The following CAMP variants were observed in gnomAD, a reference collection of about 807,000 sequenced individuals.
CAMP encodes cathelicidin antimicrobial peptide.
A neutral mutation model predicts 12.7 loss-of-function variants in CAMP; 10 were observed. The ratio of observed to expected loss-of-function variants is 0.79; its 90% CI spans 0.49 to 1.34. The LOEUF (loss-of-function observed/expected upper bound fraction) is 1.34. Among genes scored for constraint, CAMP ranks in the 40% most tolerant of loss-of-function variants. The probability of loss-of-function intolerance (pLI) is 0.00; values close to 1 mark genes in which losing one functional copy is unlikely to be tolerated. For missense variants in CAMP, 205 were observed against 213.0 expected (o/e 0.96, Z 0.23); for synonymous variants, 87 against 85.2 (o/e 1.02, Z -0.12).
At position 48,224,595 on chromosome 3, in the gene CAMP, C is replaced by CT. The variant is rs201189919; in HGVS notation, c.310-5dup. On this transcript the variant is annotated splice_polypyrimidine_tract_variant and splice_region_variant and intron_variant, in intron 2 of 3. Coordinates refer to ENST00000652295, the MANE Select transcript of CAMP (RefSeq NM_004345.5). Reference sequence around the variant, plus strand: ...TTTCAAGTTTGACCTTGAGCTTCTCCTTTCCAGCTGGTGAAGCGGTGTATG... The same window carrying CT: ...TTTCAAGTTTGACCTTGAGCTTCTCCTTTTCCAGCTGGTGAAGCGGTGTATG... 13,632 of 1,612,684 alleles carry CT rather than the reference C, an allele frequency of 8.5e-3. 859 individuals are homozygous for CT. In the African/African-American group the frequency reaches 0.15, roughly 17 times the overall value.
Position 48,224,683 on chromosome 3 carries a change from G to C in CAMP, c.381+9G>C, listed in dbSNP as rs755104500. On this transcript the variant is annotated intron_variant, in intron 3 of 3. Transcript: ENST00000652295. ...ACATCAGTTGTGATAAGGTGAGTGGGCTGTTCTGGGATGCAGGGGCTGATG... is the reference window on the plus strand; with the variant it reads ...ACATCAGTTGTGATAAGGTGAGTGGCCTGTTCTGGGATGCAGGGGCTGATG... The C allele has an allele frequency of 6.2e-7, 1 of 1,606,766 alleles. No homozygotes were observed. The highest frequency in any genetic ancestry group is 1.3e-5 in the African/African-American group (1 of 74,738).
Position 48,225,321 on chromosome 3 carries a change from A to G in CAMP, c.410A>G (p.Asp137Gly). ...AACAAGAGATTTGCCCTGCTGGGTG[A>G]TTTCTTCCGGAAATCTAAAGAGAAG... ...KDNKRFALLG[D>G]FFRKSKEKIG... is the part of the protein sequence containing the mutation. Residue 137 changes from aspartate to glycine, a missense_variant, in exon 4 of 4, where the codon GAT (aspartate) becomes GGT (glycine). By Grantham distance (94) the Asp-to-Gly change is moderately conservative. Coordinates refer to ENST00000652295, the MANE Select transcript of CAMP (RefSeq NM_004345.5). The G allele has an allele frequency of 6.2e-7, 1 of 1,613,582 alleles. No individual in the cohort carries two copies. Among genetic ancestry groups the G allele is most frequent in the Non-Finnish European group, 8.5e-7 (1 of 1,179,620 alleles).
At chr3:48,224,077 T>C (rs2033467080) in intron 1 of CAMP, among the ~76,000 whole-genome samples, 1 of 152,058 alleles carries the variant, frequency 6.6e-6, no homozygotes, top group African/African-American at 2.4e-5. Context: ...AGTGGGCATG[T>C]CTTGTCCCCC....
chr3:48,224,594 C>T lies in CAMP; in HGVS notation c.310-9C>T, dbSNP rs1407313613. On this transcript the variant is annotated splice_polypyrimidine_tract_variant and intron_variant, in intron 2 of 3. Transcript: ENST00000652295. ...GTTTCAAGTTTGACCTTGAGCTTCTCCTTTCCAGCTGGTGAAGCGGTGTAT... is the reference window on the plus strand; with the variant it reads ...GTTTCAAGTTTGACCTTGAGCTTCTTCTTTCCAGCTGGTGAAGCGGTGTAT... The T allele has an allele frequency of 1.2e-6, 2 of 1,611,134 alleles. No individual in the cohort carries two copies. The highest frequency in any genetic ancestry group is 1.7e-6 in the Non-Finnish European group (2 of 1,178,588).
At position 48,224,651 on chromosome 3, in the gene CAMP, T is replaced by C. The variant is rs377631268; in HGVS notation, c.358T>C (p.Ser120Pro). The stretch of plus-strand genomic sequence containing the variant: ...AGTGACCCTCAACCAGGCCAGGGGC[T>C]CCTTTGACATCAGTTGTGATAAGGT... ...GTVTLNQARG[S>P]FDISCDKDNK... Residue 120 changes from serine to proline, a missense_variant, in exon 3 of 4, where the codon TCC becomes CCC. Coordinates refer to ENST00000652295, the MANE Select transcript of CAMP (RefSeq NM_004345.5). 6.2e-7 allele frequency: 1 copy of C among 1,613,612 alleles called. No individual in the cohort carries two copies.
rs562758473 is a variant in CAMP at position 48,225,441 on chromosome 3, G to A, written c.*17G>A. On this transcript the variant is annotated 3_prime_UTR_variant, in exon 4 of 4. Coordinates refer to ENST00000652295, the MANE Select transcript of CAMP (RefSeq NM_004345.5). ...GAGTCCTAGTGTGTGCCCTACCCTG[G>A]CTCAGGCTTCTGGGCTCTGAGAAAT... 7.5e-6 allele frequency: 12 copies of A among 1,605,162 alleles called. No homozygotes were observed. The South Asian group carries it at 1.3e-4, about 18-fold the overall frequency.
intron 1 of CAMP, among the ~76,000 whole-genome samples, chr3:48,224,012 C>A (rs1213956039): frequency 6.6e-6 from 1 of 152,136 alleles, no homozygotes; most frequent in African/African-American, 2.4e-5. Context: ...CTTTAAGTCT[C>A]TTCTGTACCA....
intron 1 of CAMP, 146 bp from the exon 2 acceptor site, chr3:48,224,208 C>T (rs2033470434): frequency 1.6e-6 from 1 of 644,450 alleles, no homozygotes; most frequent in South Asian, 1.8e-5. Flanking sequence ...CTCAGTCCTC[C>T]TCCCCTCAAT....
chr3:48,224,639 CA>C lies in CAMP; in HGVS notation c.347del (p.Gln116ArgfsTer68). ...KRCMGTVTLN[Q>X]ARGSFDISCD... ...GTGTATGGGGACAGTGACCCTCAAC[CA>C]GGCCAGGGGCTCCTTTGACATCAGT... On this transcript the variant is annotated frameshift_variant, in exon 3 of 4. Coordinates refer to ENST00000652295, the MANE Select transcript of CAMP (RefSeq NM_004345.5). LOFTEE classifies it low-confidence loss of function (END_TRUNC). 6.2e-7 allele frequency: 1 copy of C among 1,613,014 alleles called. No homozygotes were observed. Among genetic ancestry groups the C allele is most frequent in the Non-Finnish European group, 8.5e-7 (1 of 1,179,860 alleles).
chr3:48,224,278 G>T, intron 1 of CAMP, 76 bp from the exon 2 acceptor site: 1 of 973,976 alleles, frequency 1.0e-6, no homozygotes, highest in Non-Finnish European at 1.6e-6. Flanking sequence ...TGGAAAGCCT[G>T]CCCTCTTGGT....
In CAMP at chr3:48,225,338, A is replaced by T. The variant is rs974064219; in HGVS notation, c.427A>T (p.Lys143Ter). The change falls in exon 4 of 4, where the codon AAA becomes TAA. Residue 143 changes from lysine to a stop codon, truncating the protein, a stop_gained. Coordinates refer to ENST00000652295, the MANE Select transcript of CAMP (RefSeq NM_004345.5). LOFTEE classifies it low-confidence loss of function (END_TRUNC). ...GCTGGGTGATTTCTTCCGGAAATCTAAAGAGAAGATTGGCAAAGAGTTTAA... is the reference window on the plus strand; with the variant it reads ...GCTGGGTGATTTCTTCCGGAAATCTTAAGAGAAGATTGGCAAAGAGTTTAA... ...ALLGDFFRKS[K>*]EKIGKEFKRI... is the part of the protein sequence containing the mutation. 2.5e-6 allele frequency: 4 copies of T among 1,613,234 alleles called. No individual in the cohort carries two copies. In the African/African-American group the frequency reaches 4.0e-5, roughly 16 times the overall value.
chr3:48,225,419 TC>T lies in CAMP; in HGVS notation c.510del (p.Ter171SerfsTer13). ...FLRNLVPRTE[S>X] ...GCGGAATCTTGTACCCAGGACAGAGTCCTAGTGTGTGCCCTACCCTGGCTCA... is the reference window on the plus strand; with the variant it reads ...GCGGAATCTTGTACCCAGGACAGAGTCTAGTGTGTGCCCTACCCTGGCTCA... On this transcript the variant is annotated frameshift_variant, in exon 4 of 4. Coordinates refer to ENST00000652295, the MANE Select transcript of CAMP (RefSeq NM_004345.5). LOFTEE classifies it high-confidence loss of function. 6.2e-7 allele frequency: 1 copy of T among 1,612,840 alleles called. No individual in the cohort carries two copies. Among genetic ancestry groups the T allele is most frequent in the Non-Finnish European group, 8.5e-7 (1 of 1,179,120 alleles).
Position 48,224,625 on chromosome 3 carries a change from C to G in CAMP, c.332C>G (p.Thr111Arg). ...CAGCTGGTGAAGCGGTGTATGGGGA[C>G]AGTGACCCTCAACCAGGCCAGGGGC... Reference protein sequence around the residue: ...KDGLVKRCMGTVTLNQARGSF... With the variant: ...KDGLVKRCMGRVTLNQARGSF... Residue 111 changes from threonine (T) to arginine (R), a missense_variant, in exon 3 of 4, where the codon ACA becomes AGA. Thr to Arg is a moderately conservative substitution (Grantham distance 71). Coordinates refer to ENST00000652295, the MANE Select transcript of CAMP (RefSeq NM_004345.5). 6.2e-7 allele frequency: 1 copy of G among 1,613,778 alleles called. No homozygotes were observed. Among genetic ancestry groups the G allele is most frequent in the Non-Finnish European group, 8.5e-7 (1 of 1,179,770 alleles).
chr3:48,224,538 C>A, intron 2 of CAMP, 65 bp from the exon 3 acceptor site: 1 of 1,541,738 alleles, frequency 6.5e-7, no homozygotes, highest in Non-Finnish European at 9.0e-7. Context: ...ATATTTCCCA[C>A]TGGGATGTGG....
intron 3 of CAMP, 107 bp from the exon 4 acceptor site, chr3:48,225,186 C>T: frequency 8.8e-7 from 1 of 1,132,386 alleles, no homozygotes; most frequent in South Asian, 1.3e-5. Context: ...GGCCCCAAAG[C>T]TCCTGCGGGG....
rs757090264 is a variant in CAMP, at chr3:48,225,296, A to G, written c.385A>G (p.Asn129Asp). 3.1e-6 allele frequency: 5 copies of G among 1,613,294 alleles called. No individual in the cohort carries two copies. Among genetic ancestry groups the G allele is most frequent in the Admixed American group, 1.7e-5 (1 of 59,994 alleles). The change falls in exon 4 of 4, where the codon AAC becomes GAC. Residue 129 changes from asparagine to aspartate, a missense_variant. Coordinates refer to ENST00000652295, the MANE Select transcript of CAMP (RefSeq NM_004345.5). ...GSFDISCDKD[N>D]KRFALLGDFF... ...TTCTTCCTGTACACAACCCCAGGAT[A>G]ACAAGAGATTTGCCCTGCTGGGTGA...
At chr3:48,224,219 G>A (rs2106814401) in intron 1 of CAMP, 135 bp from the exon 2 acceptor site, 2 of 652,462 alleles carry the variant, frequency 3.1e-6, no homozygotes, top group East Asian at 2.7e-5. Flanking sequence ...TCCCCTCAAT[G>A]CCCCAGTGCC....
intron 3 of CAMP, among the ~76,000 whole-genome samples, 192 bp from the exon 4 acceptor site, chr3:48,225,101 C>T (rs1293059705): frequency 6.6e-6 from 1 of 152,124 alleles, no homozygotes; most frequent in Non-Finnish European, 1.5e-5. Flanking sequence ...CTCCGGGACT[C>T]TGTTTTCTCA....
Position 48,224,632 on chromosome 3 carries a change from C to T in CAMP, c.339C>T (p.Thr113=), listed in dbSNP as rs138495309. The T allele has an allele frequency of 6.2e-7, 1 of 1,613,880 alleles. No homozygotes were observed. The highest frequency in any genetic ancestry group is 1.3e-5 in the African/African-American group (1 of 74,980). Residue 113 remains threonine (T), a synonymous_variant, in exon 3 of 4, where the codon ACC becomes ACT. Coordinates refer to ENST00000652295, the MANE Select transcript of CAMP (RefSeq NM_004345.5). ...GLVKRCMGTV[T]LNQARGSFDI... ...TGAAGCGGTGTATGGGGACAGTGAC[C>T]CTCAACCAGGCCAGGGGCTCCTTTG...
Sources: gnomAD v4.1 joint callset for allele counts (sites outside exome capture counted in the v4.1 genomes callset) on GRCh38, gnomAD v4.1.1 for gene constraint, MANE v1.5 for transcripts, NCBI Gene and HGNC (gene_info 2026-07-23, HGNC 2026-07-21) for gene names.